The following SPAST variants were observed in gnomAD, a reference collection of about 807,000 sequenced individuals.
SPAST encodes the protein spastic paraplegia 4 (autosomal dominant; spastin).
In SPAST, 30 loss-of-function variants were observed where a neutral mutation model predicts 76.6. That is an observed-to-expected ratio of 0.39 (90% CI 0.29 to 0.53). SPAST has a LOEUF of 0.53. SPAST is among the 20% of genes least tolerant of loss of function. The pLI, the probability that SPAST is intolerant of heterozygous loss-of-function variation, is 0.68. For synonymous variants in SPAST, 305 were observed against 281.0 expected (o/e 1.09, Z -0.86); for missense variants, 717 against 770.5 (o/e 0.93, Z 0.82).
chr2:32,112,208 C>T (rs767006755), intron 4 of SPAST, among the ~76,000 whole-genome samples: 1 of 151,638 alleles, frequency 6.6e-6, no homozygotes, highest in African/African-American at 2.4e-5. Context: ...CTGCTTTGGC[C>T]TCCCAAAGCG....
At chr2:32,128,299 A>G in intron 8 of SPAST, 109 bp from the exon 9 acceptor site, 1 of 852,102 alleles carries the variant, frequency 1.2e-6, no homozygotes, top group East Asian at 2.7e-5. Context: ...CTGGCCTCAT[A>G]GCTTACATTT....
chr2:32,141,695 A>C (rs1039551188), intron 12 of SPAST, among the ~76,000 whole-genome samples: 2 of 152,272 alleles, frequency 1.3e-5, no homozygotes, highest in Admixed American at 1.3e-4. Flanking sequence ...ATATACATAC[A>C]TAAATGATTA....
At chr2:32,116,624 G>C (rs1246382445) in intron 7 of SPAST, among the ~76,000 whole-genome samples, 2 of 152,064 alleles carry the variant, frequency 1.3e-5, no homozygotes, top group African/African-American at 4.8e-5. Context: ...GTGCCACTAT[G>C]CCCAGCTAAT....
intron 3 of SPAST, among the ~76,000 whole-genome samples, chr2:32,095,448 A>C (rs1235017869): frequency 6.6e-6 from 1 of 152,008 alleles, no homozygotes; most frequent in Non-Finnish European, 1.5e-5. Context: ...AAAGAATGTG[A>C]GGGCTGGGCA....
intron 3 of SPAST, among the ~76,000 whole-genome samples, chr2:32,093,818 A>AT (rs1350578768): frequency 6.7e-6 from 1 of 149,564 alleles, no homozygotes; most frequent in East Asian, 1.9e-4. Context: ...CTATCTTAAA[A>AT]ATATATATAT....
At chr2:32,125,355 C>T (rs1262971211) in intron 7 of SPAST, among the ~76,000 whole-genome samples, 3 of 152,058 alleles carry the variant, frequency 2.0e-5, no homozygotes, top group African/African-American at 2.4e-5. Context: ...TCCCGAGTAG[C>T]TGAGATTACA....
intron 1 of SPAST, among the ~76,000 whole-genome samples, chr2:32,081,733 G>A (rs1358504486): frequency 1.6e-5 from 2 of 125,810 alleles, no homozygotes; most frequent in Non-Finnish European, 3.1e-5. Flanking sequence ...GCAGTAAGCC[G>A]AGATCATACC....
chr2:32,092,518 T>C (rs189682331), intron 3 of SPAST, among the ~76,000 whole-genome samples: 54 of 152,332 alleles, frequency 3.5e-4, no homozygotes, highest in African/African-American at 1.3e-3. Flanking sequence ...TAGAGACTCA[T>C]CTTTGAATGT....
At chr2:32,150,582 C>CA (rs1680051664) in intron 16 of SPAST, among the ~76,000 whole-genome samples, 1 of 151,766 alleles carries the variant, frequency 6.6e-6, no homozygotes, top group South Asian at 2.1e-4. Context: ...GGACTACGGG[C>CA]ATGTACCACC....
At chr2:32,103,672 G>A (rs1363976067) in intron 4 of SPAST, among the ~76,000 whole-genome samples, 2 of 151,976 alleles carry the variant, frequency 1.3e-5, no homozygotes, top group African/African-American at 4.8e-5. Flanking sequence ...TTGTGTCTTT[G>A]TTCTCGTTGG....
Position 32,115,733 on chromosome 2 carries a change from C to T in SPAST, c.902C>T (p.Pro301Leu), listed in dbSNP as rs758338312. ...CCGAAAACAAATAGGACAAATAAAC[C>T]TTCTACCCCTACAACTGCTACTCGT... is the stretch of plus-strand genomic sequence containing the variant. ...GTPKTNRTNKPSTPTTATRKK... is the reference protein window; with the variant it reads ...GTPKTNRTNKLSTPTTATRKK... The change falls in exon 6 of 17, where the codon CCT becomes CTT. Residue 301 changes from proline to leucine, a missense_variant. Coordinates refer to ENST00000315285, the MANE Select transcript of SPAST (RefSeq NM_014946.4). 4 of 1,610,774 alleles carry T rather than the reference C, an allele frequency of 2.5e-6. No individual in the cohort carries two copies. Among genetic ancestry groups the T allele is most frequent in the East Asian group, 4.5e-5 (2 of 44,698 alleles).
chr2:32,146,851 C>CAAAAAAAAAA (rs397984237), intron 15 of SPAST, among the ~76,000 whole-genome samples: 2 of 19,224 alleles, frequency 1.0e-4, no homozygotes, highest in East Asian at 2.0e-3. Context: ...GACTCTGTCT[C>CAAAAAAAAAA]AAAAAAAAAA....
chr2:32,064,158 G>C lies in SPAST; in HGVS notation c.327G>C (p.Pro109=), dbSNP rs1033468634. The change falls in exon 1 of 17, where the codon CCG becomes CCC. Residue 109 remains proline (P), a synonymous_variant. Coordinates refer to ENST00000315285, the MANE Select transcript of SPAST (RefSeq NM_014946.4). ...PASASAPAPV[P]GGEAERVRVF... Reference sequence around the variant, plus strand: ...CGGCCTCGGCCCCGGCGCCGGTGCCGGGCGGCGAGGCCGAGCGCGTCCGAG... The same window carrying C: ...CGGCCTCGGCCCCGGCGCCGGTGCCCGGCGGCGAGGCCGAGCGCGTCCGAG... 6.4e-7 allele frequency: 1 copy of C among 1,554,742 alleles called. No homozygotes were observed. Among genetic ancestry groups the C allele is most frequent in the South Asian group, 1.2e-5 (1 of 84,916 alleles).
intron 1 of SPAST, among the ~76,000 whole-genome samples, chr2:32,083,879 A>G (rs1292890635): frequency 6.7e-6 from 1 of 148,644 alleles, no homozygotes; most frequent in African/African-American, 2.5e-5. Flanking sequence ...CCCAGGTTCA[A>G]GTGATTCTCC....
chr2:32,081,126 T>C (rs1677205070), intron 1 of SPAST, among the ~76,000 whole-genome samples: 1 of 150,832 alleles, frequency 6.6e-6, no homozygotes, highest in Non-Finnish European at 1.5e-5. Flanking sequence ...GCCTAGCTAA[T>C]TTTTCTGTTT....
chr2:32,098,987 G>A (rs999683880), intron 4 of SPAST, 96 bp downstream of exon 4: 13 of 845,914 alleles, frequency 1.5e-5, no homozygotes, highest in Non-Finnish European at 2.6e-5. Flanking sequence ...TATAATGGTA[G>A]GTTTAATTGT....
At chr2:32,067,562 A>T in intron 1 of SPAST, among the ~76,000 whole-genome samples, 1 of 152,148 alleles carries the variant, frequency 6.6e-6, no homozygotes, top group East Asian at 1.9e-4. Flanking sequence ...ATCTTTCAGT[A>T]TCACATATAT....
chr2:32,101,482 C>T (rs1678123752), intron 4 of SPAST, among the ~76,000 whole-genome samples: 1 of 152,168 alleles, frequency 6.6e-6, no homozygotes, highest in Non-Finnish European at 1.5e-5. Context: ...TCCCATTTGT[C>T]AATTTTGGCT....
intron 7 of SPAST, 46 bp from the exon 8 acceptor site, chr2:32,126,902 A>G (rs1469591124): frequency 7.4e-7 from 1 of 1,350,568 alleles, no homozygotes; most frequent in African/African-American, 1.4e-5. Flanking sequence ...GAGTACTTAA[A>G]ATGTCTCTAG....
Sources: allele counts gnomAD v4.1 joint callset (sites outside exome capture counted in the v4.1 genomes callset), GRCh38; gene constraint gnomAD v4.1.1; transcripts MANE v1.5; gene names NCBI Gene and HGNC (gene_info 2026-07-23, HGNC 2026-07-21).